Variants in BEND3 observed in about 807,000 individuals in gnomAD.
BEND3 encodes the protein BEN domain-containing protein 3.
In BEND3, 13 loss-of-function variants were observed where a neutral mutation model predicts 60.1. The observed-to-expected ratio is 0.22, with a 90% CI of 0.14 to 0.34. The LOEUF (loss-of-function observed/expected upper bound fraction) is 0.34. BEND3 is among the 10% of genes least tolerant of loss of function. BEND3 has a pLI of 1.00. For synonymous variants in BEND3, 497 were observed against 491.5 expected (o/e 1.01, Z -0.15); for missense variants, 896 against 1,138.1 (o/e 0.79, Z 3.06).
chr6:107,087,023 TAAAAAAA>T (rs58435912), intron 3 of BEND3, among the ~76,000 whole-genome samples: 1 of 80,838 alleles, frequency 1.2e-5, no homozygotes, highest in Non-Finnish European at 2.4e-5. Flanking sequence ...AGACTCTGTC[TAAAAAAA>T]AAAAAAAAAA....
At chr6:107,101,893 T>C (rs1337094602) in intron 1 of BEND3, among the ~76,000 whole-genome samples, 1 of 152,132 alleles carries the variant, frequency 6.6e-6, no homozygotes, top group Non-Finnish European at 1.5e-5. Context: ...TTCCTGCCAA[T>C]CAAGGGGAGT....
chr6:107,089,295 A>G (rs569259435), intron 3 of BEND3, among the ~76,000 whole-genome samples: 4 of 152,328 alleles, frequency 2.6e-5, no homozygotes, highest in African/African-American at 4.8e-5. Context: ...CCAAAAGCCA[A>G]CTAAAGATTT....
rs1342695858 is a variant in BEND3 at position 107,115,494 on chromosome 6, C to G, written c.-416G>C. Among the ~76,000 whole-genome samples the G allele has an allele frequency of 2.0e-5, 3 of 146,868 alleles. No homozygotes were observed. The highest frequency in any genetic ancestry group is 3.0e-5 in the Non-Finnish European group (2 of 66,030). On this transcript the variant is annotated 5_prime_UTR_variant, in exon 1 of 4. Coordinates refer to ENST00000369042, the MANE Select transcript of BEND3 (RefSeq NM_001367314.1). ...GCGCACTCCCGGGACCCAGGCGGCCCGGCGCGCTCGGCCAGCGCAGTGGCT... is the reference window on the plus strand; with the variant it reads ...GCGCACTCCCGGGACCCAGGCGGCCGGGCGCGCTCGGCCAGCGCAGTGGCT...
chr6:107,075,000 C>T (rs1251722194), intron 3 of BEND3, among the ~76,000 whole-genome samples: 1 of 151,802 alleles, frequency 6.6e-6, no homozygotes, highest in Non-Finnish European at 1.5e-5. Context: ...ACTCAGGAGG[C>T]TAAGGCAGGA....
chr6:107,100,205 A>G (rs1582667145), intron 1 of BEND3, among the ~76,000 whole-genome samples: 1 of 152,104 alleles, frequency 6.6e-6, no homozygotes, highest in East Asian at 1.9e-4. Flanking sequence ...TGTTGAAATG[A>G]TAATATTTTG....
intron 3 of BEND3, among the ~76,000 whole-genome samples, chr6:107,095,443 G>A (rs1435600345): frequency 1.3e-5 from 2 of 152,212 alleles, no homozygotes; most frequent in African/African-American, 2.4e-5. Context: ...AGGATGTGGA[G>A]CAAGAGGAAC....
At chr6:107,100,720 G>A (rs562981873) in intron 1 of BEND3, among the ~76,000 whole-genome samples, 3 of 152,248 alleles carry the variant, frequency 2.0e-5, no homozygotes, top group South Asian at 2.1e-4. Context: ...TGATATCTCC[G>A]AATACCATGA....
rs1774802865 is a variant in BEND3 at position 107,065,244 on chromosome 6, A to G, written c.*3460T>C. The G allele has an allele frequency of 6.6e-6, 1 of 152,654 alleles. No homozygotes were observed. Among genetic ancestry groups the G allele is most frequent in the South Asian group, 2.1e-4 (1 of 4,834 alleles). The allele number at this position is 152,654 out of a possible 1,614,324, so 9.5% of individuals were successfully genotyped here. On this transcript the variant is annotated 3_prime_UTR_variant, in exon 4 of 4. Coordinates refer to ENST00000369042, the MANE Select transcript of BEND3 (RefSeq NM_001367314.1). ...ACAGTGTTTGTATAAAAATTCACACAAAGTTGCTAGAGAGCATACAATTTC... is the reference window on the plus strand; with the variant it reads ...ACAGTGTTTGTATAAAAATTCACACGAAGTTGCTAGAGAGCATACAATTTC...
Position 107,069,580 on chromosome 6 carries a change from G to T in BEND3, c.1611C>A (p.Asp537Glu), listed in dbSNP as rs1774915591. 2 of 1,612,952 alleles carry T rather than the reference G, an allele frequency of 1.2e-6. No individual in the cohort carries two copies. Among genetic ancestry groups the T allele is most frequent in the African/African-American group, 1.3e-5 (1 of 75,080 alleles). The change falls in exon 4 of 4, where the codon GAC becomes GAA. Residue 537 changes from aspartate (D) to glutamate (E), a missense_variant. This residue lies in a region of BEND3 where 846 missense variants were observed against 1,036.7 expected (regional missense o/e 0.82). Coordinates refer to ENST00000369042, the MANE Select transcript of BEND3 (RefSeq NM_001367314.1). ...KKIWLVPIDF[D>E]KLEIPQPDFE... is the part of the protein sequence containing the mutation. Reference sequence around the variant, plus strand: ...AGTCAGGCTGGGGGATCTCTAACTTGTCGAAGTCGATGGGCACCAGCCAGA... The same window carrying T: ...AGTCAGGCTGGGGGATCTCTAACTTTTCGAAGTCGATGGGCACCAGCCAGA...
chr6:107,090,811 T>TA (rs1554235099), intron 3 of BEND3, among the ~76,000 whole-genome samples: 3 of 151,632 alleles, frequency 2.0e-5, no homozygotes, highest in African/African-American at 4.8e-5. Flanking sequence ...ATTAACATGC[T>TA]AAAAAAAGAT....
intron 3 of BEND3, among the ~76,000 whole-genome samples, chr6:107,073,197 GTATGTA>G (rs1775019713): frequency 4.0e-4 from 12 of 30,212 alleles, no homozygotes; most frequent in South Asian, 9.7e-4. Context: ...GTTTGTATGT[GTATGTA>G]TATATATATA....
intron 3 of BEND3, among the ~76,000 whole-genome samples, chr6:107,071,363 C>A (rs1774977258): frequency 6.6e-6 from 1 of 151,816 alleles, no homozygotes. Context: ...GGACCCGTGC[C>A]TTCGTCTGCT....
intron 3 of BEND3, among the ~76,000 whole-genome samples, chr6:107,083,140 G>A (rs1775266909): frequency 6.6e-6 from 1 of 152,150 alleles, no homozygotes. Context: ...TCCACTAACT[G>A]TCTTGTAGCT....
intron 1 of BEND3, among the ~76,000 whole-genome samples, chr6:107,102,004 G>A (rs1775710996): frequency 6.6e-6 from 1 of 152,190 alleles, no homozygotes; most frequent in South Asian, 2.1e-4. Flanking sequence ...AGAGGGAGGA[G>A]ACAGCGGTTG....
At chr6:107,099,855 A>G (rs1016522134) in intron 1 of BEND3, among the ~76,000 whole-genome samples, 1 of 139,210 alleles carries the variant, frequency 7.2e-6, no homozygotes, top group Non-Finnish European at 1.5e-5. Context: ...ACAGAAATGC[A>G]AAATATCTCA....
rs781930222 is a variant in BEND3, at chr6:107,097,704, C to T, written c.240+847G>A. Among the ~76,000 whole-genome samples, 10 of 143,966 alleles carry T rather than the reference C, an allele frequency of 6.9e-5. 1 individual carries two copies. Among genetic ancestry groups the T allele is most frequent in the Non-Finnish European group, 7.5e-5 (5 of 66,376 alleles). The allele number at this position is 143,966 out of a possible 152,430, so 94.4% of individuals were successfully genotyped here. A position where few individuals can be genotyped will look rare whatever the true frequency, so the allele number is the denominator to read the frequency against. On this transcript the variant is annotated intron_variant, in intron 3 of 3. Coordinates refer to ENST00000369042, the MANE Select transcript of BEND3 (RefSeq NM_001367314.1). ...TCTCGGGAGGCTGAGGTAGGAGAAT[C>T]GCTTGAACCTAGGAGGCAGAGGTTG...
chr6:107,071,230 T>C (rs1287602274), intron 3 of BEND3, among the ~76,000 whole-genome samples: 2 of 152,222 alleles, frequency 1.3e-5, no homozygotes, highest in African/African-American at 4.8e-5. Context: ...GTGGACTTCC[T>C]TTCCGTCAGA....
rs1554230697 is a variant in BEND3 at position 107,065,767 on chromosome 6, G to A, written c.*2937C>T. 1 of 152,196 alleles carries A rather than the reference G, an allele frequency of 6.6e-6. No homozygotes were observed. The highest frequency in any genetic ancestry group is 2.4e-5 in the African/African-American group (1 of 41,444). The allele number at this position is 152,196 out of a possible 1,614,324, so 9.4% of individuals were successfully genotyped here. The stretch of plus-strand genomic sequence containing the variant: ...CTAAGTAGATCCCATTGGTTGGTTG[G>A]TTGATGATTGCTGCTGATGTGGTTC... On this transcript the variant is annotated 3_prime_UTR_variant, in exon 4 of 4. Transcript: ENST00000369042.
chr6:107,073,295 C>T (rs1554232369), intron 3 of BEND3, among the ~76,000 whole-genome samples: 1 of 137,448 alleles, frequency 7.3e-6, no homozygotes, highest in Non-Finnish European at 1.5e-5. Context: ...TGGCAACTGG[C>T]CCTTGTGGAC....
Sources: gnomAD v4.1 joint callset for allele counts (sites outside exome capture counted in the v4.1 genomes callset) on GRCh38, gnomAD v4.1.1 for gene constraint, gnomAD v4.1.1 regional missense constraint, MANE v1.5 for transcripts, NCBI Gene and HGNC (gene_info 2026-07-23, HGNC 2026-07-21) for gene names.